ASAP2: variants seen among roughly 807,000 people sequenced by gnomAD.
The protein encoded by ASAP2 is arf-GAP with SH3 domain, ANK repeat and PH domain-containing protein 2.
In ASAP2, 45 loss-of-function variants were observed where a neutral mutation model predicts 131.4. The ratio of observed to expected loss-of-function variants is 0.34; its 90% CI spans 0.27 to 0.44. The LOEUF (loss-of-function observed/expected upper bound fraction) is 0.44, where lower values mean the gene tolerates loss of function less well. ASAP2 is among the 20% of genes least tolerant of loss of function. ASAP2 has a pLI of 1.00. For missense variants in ASAP2, 1,011 were observed against 1,297.0 expected (o/e 0.78, Z 3.39); for synonymous variants, 510 against 503.0 (o/e 1.01, Z -0.19).
At chr2:9,264,560 G>A (rs746865148) in intron 1 of ASAP2, among the ~76,000 whole-genome samples, 22 of 152,106 alleles carry the variant, frequency 1.4e-4, no homozygotes, top group African/African-American at 4.8e-4. Context: ...CTGTCTTCTC[G>A]CTCATCATTT....
intron 6 of ASAP2, among the ~76,000 whole-genome samples, chr2:9,323,773 C>T (rs938024611): frequency 2.6e-5 from 4 of 152,178 alleles, no homozygotes; most frequent in Admixed American, 6.5e-5. Flanking sequence ...GCCTGGGGAG[C>T]GCCTCTCTGC....
intron 23 of ASAP2, among the ~76,000 whole-genome samples, 172 bp from the exon 24 acceptor site, chr2:9,393,310 G>A (rs1227260245): frequency 6.6e-6 from 1 of 152,194 alleles, no homozygotes; most frequent in African/African-American, 2.4e-5. Flanking sequence ...AGGACTCCCT[G>A]CTTCCTCCCT....
At chr2:9,230,489 C>G (rs1316091371) in intron 1 of ASAP2, among the ~76,000 whole-genome samples, 1 of 152,222 alleles carries the variant, frequency 6.6e-6, no homozygotes, top group Non-Finnish European at 1.5e-5. Context: ...AGACTGATTC[C>G]CCAGTGGTCA....
chr2:9,274,273 G>A (rs1479725191), intron 1 of ASAP2, among the ~76,000 whole-genome samples: 1 of 149,376 alleles, frequency 6.7e-6, no homozygotes, highest in African/African-American at 2.5e-5. Flanking sequence ...GACTTCCAGT[G>A]CTGTTTTTAT....
At chr2:9,337,258 T>C (rs1671269328) in intron 9 of ASAP2, among the ~76,000 whole-genome samples, 1 of 152,242 alleles carries the variant, frequency 6.6e-6, no homozygotes, top group African/African-American at 2.4e-5. Context: ...GTTTTCTGTG[T>C]ATCATGCTCT....
intron 5 of ASAP2, among the ~76,000 whole-genome samples, chr2:9,321,004 A>G (rs1274929716): frequency 6.6e-6 from 1 of 152,176 alleles, no homozygotes; most frequent in Admixed American, 6.5e-5. Flanking sequence ...GCTACAGGGA[A>G]TTGATCAAGC....
chr2:9,244,525 C>A (rs1416164258), intron 1 of ASAP2, among the ~76,000 whole-genome samples: 1 of 152,198 alleles, frequency 6.6e-6, no homozygotes, highest in Non-Finnish European at 1.5e-5. Flanking sequence ...GCTCCTAGCA[C>A]AGAGTGTGCG....
At chr2:9,362,615 G>A (rs1673180946) in intron 15 of ASAP2, among the ~76,000 whole-genome samples, 1 of 152,106 alleles carries the variant, frequency 6.6e-6, no homozygotes, top group African/African-American at 2.4e-5. Context: ...GAGGTGAGAA[G>A]ATTGTTTGAG....
At chr2:9,338,556 A>G (rs1671375222) in intron 9 of ASAP2, among the ~76,000 whole-genome samples, 1 of 152,102 alleles carries the variant, frequency 6.6e-6, no homozygotes, top group African/African-American at 2.4e-5. Flanking sequence ...TCTCCTGCCA[A>G]GCTGCTAGGT....
chr2:9,393,429 G>C lies in ASAP2; in HGVS notation c.2519-53G>C, dbSNP rs541981348. 7 of 1,499,688 alleles carry C rather than the reference G, an allele frequency of 4.7e-6. No homozygotes were observed. The East Asian group carries it at 1.5e-4, about 32-fold the overall frequency. 92.9% of individuals were successfully genotyped at this position (1,499,688 alleles called of 1,614,324 possible). On this transcript the variant is annotated intron_variant, in intron 23 of 27. Transcript: ENST00000281419. The stretch of plus-strand genomic sequence containing the variant: ...AGAAAAGCCTCCAGTGAGGAGGCCT[G>C]AGTGGGAAGCCTGGCGGCTGACCCT...
chr2:9,256,927 G>T (rs1665206318), intron 1 of ASAP2, among the ~76,000 whole-genome samples: 1 of 152,214 alleles, frequency 6.6e-6, no homozygotes. Flanking sequence ...TCCTCCTGCT[G>T]CAGCCAAGGG....
intron 1 of ASAP2, among the ~76,000 whole-genome samples, chr2:9,239,174 T>C (rs566227978): frequency 1.3e-5 from 2 of 152,368 alleles, no homozygotes; most frequent in South Asian, 4.1e-4. Context: ...GATGACCATA[T>C]GGTTTCCCTT....
chr2:9,229,643 C>T (rs1288102222), intron 1 of ASAP2, among the ~76,000 whole-genome samples: 1 of 152,196 alleles, frequency 6.6e-6, no homozygotes, highest in African/African-American at 2.4e-5. Context: ...GTTAGGGAGC[C>T]AGGATTGCCT....
chr2:9,295,867 G>T (rs745848185), intron 2 of ASAP2, among the ~76,000 whole-genome samples: 1 of 152,228 alleles, frequency 6.6e-6, no homozygotes, highest in South Asian at 2.1e-4. Flanking sequence ...AAGACATGGT[G>T]CTTCCCCCAT....
rs1185099162 is a variant in ASAP2 at position 9,217,808 on chromosome 2, G to A, written c.126+10578G>A. ...TTTTGGTATTTTTAGTAGAGACGGG[G>A]TTTCACTGTGTTAGCCAGGATGGTC... On this transcript the variant is annotated intron_variant, in intron 1 of 27. Transcript: ENST00000281419. The surrounding 1 kb of genome is among the most constrained non-coding windows in gnomAD (Gnocchi z 4.0). Among the ~76,000 whole-genome samples, 3 of 151,720 alleles carry A rather than the reference G, an allele frequency of 2.0e-5. No homozygotes were observed. The highest frequency in any genetic ancestry group is 4.4e-5 in the Non-Finnish European group (3 of 67,954).
At chr2:9,359,239 G>T (rs1451284841) in intron 15 of ASAP2, among the ~76,000 whole-genome samples, 1 of 152,238 alleles carries the variant, frequency 6.6e-6, no homozygotes, top group Non-Finnish European at 1.5e-5. Flanking sequence ...GAAAGTACTT[G>T]TTTTCCCTTA....
At position 9,267,142 on chromosome 2, in the gene ASAP2, T is replaced by A. The variant is rs148266417; in HGVS notation, c.127-12175T>A. On this transcript the variant is annotated intron_variant, in intron 1 of 27. Transcript: ENST00000281419. ...AAAAATTTTTTCAATGAGATTTTTT[T>A]AAAAAATTCAACTTTTATTTTAGAT... Among the ~76,000 whole-genome samples the A allele has an allele frequency of 5.6e-3, 853 of 152,310 alleles. 8 individuals are homozygous for A. The highest frequency in any genetic ancestry group is 0.019 in the African/African-American group (780 of 41,548).
At position 9,279,362 on chromosome 2, in the gene ASAP2, G is replaced by T. The variant is rs753909448; in HGVS notation, c.172G>T (p.Val58Leu). 1.2e-6 allele frequency: 2 copies of T among 1,614,114 alleles called. No individual in the cohort carries two copies. Among genetic ancestry groups the T allele is most frequent in the South Asian group, 1.1e-5 (1 of 91,074 alleles). The change falls in exon 2 of 28, where the codon GTG becomes TTG. Residue 58 changes from valine (V) to leucine (L), a missense_variant. This residue lies in a region of ASAP2 where 359 missense variants were observed against 598.1 expected (regional missense o/e 0.60). Transcript: ENST00000281419. ...RMVLYKMKKS[V>L]KAINSSGLAH... ...GGTTCTTTACAAAATGAAGAAATCC[G>T]TGAAAGCAATCAACAGCTCTGGGCT... is the stretch of plus-strand genomic sequence containing the variant.
chr2:9,260,947 AG>A (rs945783551), intron 1 of ASAP2, among the ~76,000 whole-genome samples: 10 of 152,108 alleles, frequency 6.6e-5, no homozygotes, highest in Non-Finnish European at 1.0e-4. Context: ...CAGGGTGGTT[AG>A]GGGGGTTGTG....
Sources: gnomAD v4.1 joint callset for allele counts (sites outside exome capture counted in the v4.1 genomes callset) on GRCh38, gnomAD v4.1.1 for gene constraint, gnomAD v4.1.1 regional missense constraint, Gnocchi (gnomAD v3.1) non-coding constraint, MANE v1.5 for transcripts, NCBI Gene and HGNC (gene_info 2026-07-23, HGNC 2026-07-21) for gene names.